Variants in GRIK1 observed in about 807,000 individuals in gnomAD.
GRIK1 encodes glutamate ionotropic receptor kainate type subunit 1, also known as glutamate receptor ionotropic, kainate 1.
In GRIK1, 69 loss-of-function variants were observed where a neutral mutation model predicts 105.7. The observed-to-expected ratio is 0.65, with a 90% CI of 0.54 to 0.80. The LOEUF (loss-of-function observed/expected upper bound fraction) is 0.80. GRIK1 is among the 30% of genes least tolerant of loss of function. GRIK1 has a pLI of 0.00. For missense variants in GRIK1, 1,109 were observed against 1,167.3 expected (o/e 0.95, Z 0.73); for synonymous variants, 438 against 431.3 (o/e 1.02, Z -0.19).
intron 1 of GRIK1, among the ~76,000 whole-genome samples, chr21:29,911,018 TAATAAC>T (rs2070796198): frequency 6.6e-6 from 1 of 152,116 alleles, no homozygotes; most frequent in Non-Finnish European, 1.5e-5. Context: ...TAGTCATCAA[TAATAAC>T]AATAACAACA....
At chr21:29,633,607 A>T (rs539596810) in intron 7 of GRIK1, among the ~76,000 whole-genome samples, 2 of 152,322 alleles carry the variant, frequency 1.3e-5, no homozygotes, top group East Asian at 3.9e-4. Context: ...TAAGATGTTT[A>T]TATATAAGAC....
chr21:29,689,953 G>C lies in GRIK1; in HGVS notation c.319C>G (p.Leu107Val). The change falls in exon 3 of 18, where the codon CTC becomes GTC. Residue 107 changes from leucine to valine, a missense_variant. By Grantham distance (32) the Leu-to-Val change is conservative (BLOSUM62 1). Transcript: ENST00000327783. Reference sequence around the variant, plus strand: ...GAGGAGCTATGGGAAGGGCCAAAGAGAGCAGCCACACCAAGAGCCAGCTGG... The same window carrying C: ...GAGGAGCTATGGGAAGGGCCAAAGACAGCAGCCACACCAAGAGCCAGCTGG... ...CDQLALGVAA[L>V]FGPSHSSSVS... 1 of 1,605,744 alleles carries C rather than the reference G, an allele frequency of 6.2e-7. No individual in the cohort carries two copies. Among genetic ancestry groups the C allele is most frequent in the Middle Eastern group, 1.7e-4 (1 of 6,008 alleles).
chr21:29,758,754 C>T (rs1208032748), intron 1 of GRIK1: 1 of 152,618 alleles, frequency 6.6e-6, no homozygotes. Flanking sequence ...AAAGGATAAT[C>T]TCAAAGCCTC....
chr21:29,867,080 T>C (rs1411729253), intron 1 of GRIK1, among the ~76,000 whole-genome samples: 1 of 152,218 alleles, frequency 6.6e-6, no homozygotes, highest in East Asian at 1.9e-4. Flanking sequence ...CTAATGACAT[T>C]TTTAGTATAC....
At position 29,939,483 on chromosome 21, in the gene GRIK1, G is replaced by A; in HGVS notation, c.18C>T (p.Leu6=). Residue 6 remains leucine (L), a synonymous_variant, in exon 1 of 18, where the codon CTC becomes CTT. Coordinates refer to ENST00000327783, the MANE Select transcript of GRIK1 (RefSeq NM_001330994.2). Reference sequence around the variant, plus strand: ...TGGTCCAGAGCCCGGGCTGGGCGAGGAGTGTGCCGTGCTCCATCTTCCTAG... The same window carrying A: ...TGGTCCAGAGCCCGGGCTGGGCGAGAAGTGTGCCGTGCTCCATCTTCCTAG... MEHGT[L]LAQPGLWTRD... 1 of 1,591,106 alleles carries A rather than the reference G, an allele frequency of 6.3e-7. No homozygotes were observed. The highest frequency in any genetic ancestry group is 1.1e-5 in the South Asian group (1 of 89,124).
At chr21:29,910,808 G>T (rs995461081) in intron 1 of GRIK1, among the ~76,000 whole-genome samples, 8 of 151,818 alleles carry the variant, frequency 5.3e-5, no homozygotes, top group Non-Finnish European at 7.4e-5. Context: ...GAAGGGTCAT[G>T]GCTACAGTGT....
rs572054848 is a variant in GRIK1, at chr21:29,576,856, C to T, written c.2130+108G>A. 1.5e-4 allele frequency: 96 copies of T among 653,062 alleles called. No homozygotes were observed. In the African/African-American group the frequency reaches 1.7e-3, roughly 11 times the overall value. The allele number at this position is 653,062 out of a possible 1,614,324, so 40.5% of individuals were successfully genotyped here. ...AAATTTTATTTCATTAAAAAAATTA[C>T]CCAACATCTTTTTTTCTTTTTTCTT... On this transcript the variant is annotated intron_variant, in intron 14 of 17. Coordinates refer to ENST00000327783, the MANE Select transcript of GRIK1 (RefSeq NM_001330994.2).
chr21:29,604,277 T>G (rs2061572557), intron 7 of GRIK1, among the ~76,000 whole-genome samples: 1 of 152,210 alleles, frequency 6.6e-6, no homozygotes, highest in African/African-American at 2.4e-5. Context: ...CTTCCTTCTC[T>G]GCCTCAAATA....
At chr21:29,734,350 T>C (rs948888163) in intron 1 of GRIK1, among the ~76,000 whole-genome samples, 1 of 10,760 alleles carries the variant, frequency 9.3e-5, no homozygotes, top group Non-Finnish European at 2.2e-4. Context: ...ATAGCACTTT[T>C]CTTTTCTTTT....
At chr21:29,715,427 A>G (rs77924225) in intron 1 of GRIK1, among the ~76,000 whole-genome samples, 2,432 of 152,266 alleles carry the variant, frequency 0.016, 65 homozygotes, top group African/African-American at 0.056. Context: ...TGGATGTACA[A>G]TTTAAACTTG....
At chr21:29,712,969 T>C (rs1393325751) in intron 1 of GRIK1, among the ~76,000 whole-genome samples, 1 of 152,060 alleles carries the variant, frequency 6.6e-6, no homozygotes, top group Non-Finnish European at 1.5e-5. Context: ...GAGATAAGAG[T>C]TGCCTTGTGA....
intron 1 of GRIK1, among the ~76,000 whole-genome samples, chr21:29,738,768 TTATC>T (rs1183163855): frequency 6.6e-6 from 1 of 152,232 alleles, no homozygotes; most frequent in Non-Finnish European, 1.5e-5. Context: ...AGGAACTTGA[TTATC>T]TAGTAAAGTT....
At chr21:29,911,768 A>G (rs780919936) in intron 1 of GRIK1, among the ~76,000 whole-genome samples, 1 of 152,060 alleles carries the variant, frequency 6.6e-6, no homozygotes, top group Non-Finnish European at 1.5e-5. Context: ...AAGACTATCT[A>G]TGAACCAGAA....
intron 3 of GRIK1, among the ~76,000 whole-genome samples, chr21:29,688,873 A>G (rs926225398): frequency 1.3e-5 from 2 of 152,066 alleles, no homozygotes; most frequent in Admixed American, 1.3e-4. Context: ...GAGTCAGGAG[A>G]ACATGGGGAT....
At chr21:29,590,018 A>G (rs2061310309) in intron 10 of GRIK1, among the ~76,000 whole-genome samples, 1 of 152,144 alleles carries the variant, frequency 6.6e-6, no homozygotes, top group African/African-American at 2.4e-5. Context: ...CCCCTCTCCT[A>G]TAAATAATGG....
intron 1 of GRIK1, among the ~76,000 whole-genome samples, chr21:29,713,500 T>C (rs941553596): frequency 6.6e-6 from 1 of 152,236 alleles, no homozygotes; most frequent in Non-Finnish European, 1.5e-5. Flanking sequence ...GTAATGCATT[T>C]GGAATTTATC....
At chr21:29,631,822 G>A (rs921214303) in intron 7 of GRIK1, among the ~76,000 whole-genome samples, 33 of 152,260 alleles carry the variant, frequency 2.2e-4, no homozygotes, top group African/African-American at 7.5e-4. Context: ...TACTTTCAAT[G>A]TGGCTACTAA....
intron 7 of GRIK1, among the ~76,000 whole-genome samples, chr21:29,640,594 G>A (rs1027077179): frequency 1.3e-5 from 2 of 152,062 alleles, no homozygotes; most frequent in South Asian, 2.1e-4. Flanking sequence ...CCTCATCTTG[G>A]AGCTCATTAT....
At chr21:29,868,146 A>G (rs923302685) in intron 1 of GRIK1, among the ~76,000 whole-genome samples, 1 of 152,188 alleles carries the variant, frequency 6.6e-6, no homozygotes, top group African/African-American at 2.4e-5. Flanking sequence ...AAGATCTGTG[A>G]AAACAACAAA....
Sources: gnomAD v4.1 joint callset for allele counts (sites outside exome capture counted in the v4.1 genomes callset) on GRCh38, gnomAD v4.1.1 for gene constraint, MANE v1.5 for transcripts, NCBI Gene and HGNC (gene_info 2026-07-23, HGNC 2026-07-21) for gene names.